PARD3B: variants seen among roughly 807,000 people sequenced by gnomAD.
PARD3B encodes the protein par-3 family cell polarity regulator beta.
In PARD3B, 103 loss-of-function variants were observed where a neutral mutation model predicts 130.2. The ratio of observed to expected loss-of-function variants is 0.79; its 90% CI spans 0.67 to 0.93. The LOEUF (loss-of-function observed/expected upper bound fraction) is 0.93, where lower values mean the gene tolerates loss of function less well. Among genes scored for constraint, PARD3B ranks in the 40% least tolerant of loss-of-function variants. The pLI is 0.00. For missense variants in PARD3B, 1,609 were observed against 1,499.2 expected (o/e 1.07, Z -1.21); for synonymous variants, 583 against 553.2 (o/e 1.05, Z -0.76).
chr2:204,787,321 C>T (rs1017057890), intron 2 of PARD3B, among the ~76,000 whole-genome samples: 1 of 152,114 alleles, frequency 6.6e-6, no homozygotes, highest in Non-Finnish European at 1.5e-5. Flanking sequence ...CAACTTCTGT[C>T]AGCCTTTTGT....
chr2:204,891,636 T>G (rs914707756), intron 2 of PARD3B, among the ~76,000 whole-genome samples: 1 of 152,220 alleles, frequency 6.6e-6, no homozygotes, highest in Non-Finnish European at 1.5e-5. Flanking sequence ...AAAAGCTTAC[T>G]GCAGTCTCAT....
chr2:204,766,807 CAAAA>C (rs57504030), intron 2 of PARD3B, among the ~76,000 whole-genome samples: 2 of 141,800 alleles, frequency 1.4e-5, no homozygotes, highest in Non-Finnish European at 3.1e-5. Flanking sequence ...TTTTGTAAAT[CAAAA>C]AAAAAAAACA....
At chr2:205,063,425 G>C (rs937404336) in intron 4 of PARD3B, among the ~76,000 whole-genome samples, 1 of 152,042 alleles carries the variant, frequency 6.6e-6, no homozygotes, top group Non-Finnish European at 1.5e-5. Context: ...CTAGAAATTA[G>C]TCTTTGCAAG....
intron 2 of PARD3B, among the ~76,000 whole-genome samples, chr2:204,920,280 T>C (rs1345105404): frequency 6.6e-6 from 1 of 152,198 alleles, no homozygotes; most frequent in African/African-American, 2.4e-5. Flanking sequence ...GGCAGTCACT[T>C]TTTGTAGAGA....
chr2:205,287,886 A>C lies in PARD3B; in HGVS notation c.2186-12644A>C, dbSNP rs2041454938. Among the ~76,000 whole-genome samples, 1 of 152,162 alleles carries C rather than the reference A, an allele frequency of 6.6e-6. No individual in the cohort carries two copies. The highest frequency in any genetic ancestry group is 2.4e-5 in the African/African-American group (1 of 41,446). ...ACTGATCATAGAGTTCCCTGAGGGA[A>C]GGTTATTAATGGAAGTATCACCTTC... On this transcript the variant is annotated intron_variant, in intron 16 of 22. Transcript: ENST00000406610. The surrounding 1 kb of genome is among the most constrained non-coding windows in gnomAD (Gnocchi z 4.8).
intron 20 of PARD3B, among the ~76,000 whole-genome samples, chr2:205,494,147 A>T (rs2049839593): frequency 1.3e-5 from 2 of 152,118 alleles, no homozygotes; most frequent in Admixed American, 1.3e-4. Context: ...AAAGGCCAAC[A>T]CCTCTCCTTC....
intron 2 of PARD3B, among the ~76,000 whole-genome samples, chr2:204,919,000 G>GA (rs1000096756): frequency 6.6e-6 from 1 of 151,736 alleles, no homozygotes; most frequent in Non-Finnish European, 1.5e-5. Context: ...CACATTTTAT[G>GA]AAAAATTTTA....
At chr2:205,603,407 T>C (rs1160864888) in intron 22 of PARD3B, among the ~76,000 whole-genome samples, 4 of 152,204 alleles carry the variant, frequency 2.6e-5, no homozygotes, top group African/African-American at 9.7e-5. Flanking sequence ...AATATCCTTG[T>C]TAATTTTCTG....
chr2:204,646,538 AT>A (rs2035280434), intron 1 of PARD3B, among the ~76,000 whole-genome samples: 1 of 151,958 alleles, frequency 6.6e-6, no homozygotes. Context: ...CTTGATGACC[AT>A]TTGTGTTGTT....
At chr2:205,279,846 C>A (rs185707786) in intron 16 of PARD3B, among the ~76,000 whole-genome samples, 390 of 152,240 alleles carry the variant, frequency 2.6e-3, no homozygotes, top group Non-Finnish European at 4.1e-3. Context: ...AGTAAGTTCT[C>A]CAGTGTTTCT....
At chr2:205,212,301 A>C (rs1559547994) in intron 15 of PARD3B, among the ~76,000 whole-genome samples, 1 of 152,142 alleles carries the variant, frequency 6.6e-6, no homozygotes, top group Non-Finnish European at 1.5e-5. Context: ...ATTGCTCACA[A>C]CCATTAGTGC....
intron 20 of PARD3B, among the ~76,000 whole-genome samples, chr2:205,493,720 G>GTATT (rs1266759412): frequency 3.9e-3 from 20 of 5,074 alleles, no homozygotes; most frequent in East Asian, 0.037. Context: ...TTTCATTTAT[G>GTATT]TATGTATTTA....
chr2:204,770,366 G>C (rs954031933), intron 2 of PARD3B, among the ~76,000 whole-genome samples: 1 of 139,544 alleles, frequency 7.2e-6, no homozygotes, highest in Non-Finnish European at 1.5e-5. Context: ...TGGTCTGAGA[G>C]ATAGTTTGTT....
At chr2:205,394,706 G>A (rs934628119) in intron 18 of PARD3B, among the ~76,000 whole-genome samples, 3 of 152,312 alleles carry the variant, frequency 2.0e-5, no homozygotes, top group Middle Eastern at 3.4e-3. Flanking sequence ...GATGAGTCCT[G>A]AAGACCTTCT....
Position 205,244,710 on chromosome 2 carries a change from A to G in PARD3B, c.2141-1068A>G, listed in dbSNP as rs1226970799. Among the ~76,000 whole-genome samples, 2 of 152,088 alleles carry G rather than the reference A, an allele frequency of 1.3e-5. No individual in the cohort carries two copies. The highest frequency in any genetic ancestry group is 6.5e-5 in the Admixed American group (1 of 15,268). On this transcript the variant is annotated intron_variant, in intron 15 of 22. Transcript: ENST00000406610. This position sits in a 1 kb window ranked among gnomAD's most constrained non-coding sequence, Gnocchi z 4.7. Reference sequence around the variant, plus strand: ...TCAAAAAACTACTATAGGGCGACCCATGTTATCTAATTCTTCCTATATGAG... The same window carrying G: ...TCAAAAAACTACTATAGGGCGACCCGTGTTATCTAATTCTTCCTATATGAG...
intron 2 of PARD3B, among the ~76,000 whole-genome samples, chr2:204,963,328 C>T (rs537845403): frequency 1.2e-4 from 18 of 152,118 alleles, no homozygotes; most frequent in African/African-American, 4.3e-4. Context: ...CACTTTTAAG[C>T]TTTTGTATTA....
chr2:205,296,619 T>C (rs547758012), intron 16 of PARD3B, among the ~76,000 whole-genome samples: 176 of 152,164 alleles, frequency 1.2e-3, no homozygotes, highest in Non-Finnish European at 1.5e-3. Context: ...ATGGGCATTT[T>C]GCCTGGCACA....
chr2:204,923,302 GT>G (rs1298656303), intron 2 of PARD3B, among the ~76,000 whole-genome samples: 11 of 151,916 alleles, frequency 7.2e-5, no homozygotes, highest in South Asian at 6.2e-4. Flanking sequence ...TTGTTCAGTT[GT>G]TTTGCTTTTG....
At chr2:205,028,546 A>G (rs1697195967) in intron 3 of PARD3B, among the ~76,000 whole-genome samples, 3 of 152,136 alleles carry the variant, frequency 2.0e-5, no homozygotes, top group Admixed American at 2.0e-4. Flanking sequence ...CTCATAGTCG[A>G]CAGATGGGAG....
Sources: gnomAD v4.1 joint callset for allele counts (sites outside exome capture counted in the v4.1 genomes callset) on GRCh38, gnomAD v4.1.1 for gene constraint, Gnocchi (gnomAD v3.1) non-coding constraint, MANE v1.5 for transcripts, NCBI Gene and HGNC (gene_info 2026-07-23, HGNC 2026-07-21) for gene names.